Variants in MUCL1 observed in about 807,000 individuals in gnomAD.
The protein encoded by MUCL1 is mucin-like protein 1.
In MUCL1, 11 loss-of-function variants were observed where a neutral mutation model predicts 9.2. The ratio of observed to expected loss-of-function variants is 1.19; its 90% CI spans 0.75 to 1.97. The LOEUF (loss-of-function observed/expected upper bound fraction) is 1.97. Ranked by LOEUF, MUCL1 falls within the 30% of genes most tolerant of loss-of-function variation. The pLI, the probability that MUCL1 is intolerant of heterozygous loss-of-function variation, is 0.00. For missense variants in MUCL1, 144 were observed against 110.9 expected, an observed-to-expected ratio of 1.30 and a Z score of -1.34; for synonymous variants, 48 against 40.5, an observed-to-expected ratio of 1.19 and a Z score of -0.71.
intron 2 of MUCL1, among the ~76,000 whole-genome samples, chr12:54,856,213 G>T (rs1026433684): frequency 6.6e-6 from 1 of 152,082 alleles, no homozygotes; most frequent in African/African-American, 2.4e-5. Flanking sequence ...TGCCACAGAG[G>T]GTGAGACAAA....
chr12:54,845,929 A>G (rs1959247351), intron 1 of MUCL1, among the ~76,000 whole-genome samples: 1 of 152,194 alleles, frequency 6.6e-6, no homozygotes, highest in Non-Finnish European at 1.5e-5. Flanking sequence ...TTTCTCCAGT[A>G]CACAATCAGG....
upstream of MUCL1, among the ~76,000 whole-genome samples, chr12:54,853,182 A>C (rs1193340794): frequency 1.3e-5 from 2 of 152,200 alleles, no homozygotes; most frequent in East Asian, 1.9e-4. Flanking sequence ...TATGACCCAA[A>C]AAGGCATACT....
At chr12:54,851,502 C>T (rs536152138), upstream of MUCL1, among the ~76,000 whole-genome samples, 47 of 152,224 alleles carry the variant, frequency 3.1e-4, no homozygotes, top group Middle Eastern at 3.4e-3. Context: ...ATTGATGGGA[C>T]GTATCTCAAA....
At chr12:54,833,873 A>G (rs1408333099) in intron 1 of MUCL1, among the ~76,000 whole-genome samples, 2 of 152,090 alleles carry the variant, frequency 1.3e-5, no homozygotes, top group Non-Finnish European at 2.9e-5. Flanking sequence ...CTAATGCTAA[A>G]TGATGAGTTA....
intron 1 of MUCL1, among the ~76,000 whole-genome samples, chr12:54,847,743 T>G (rs758141937): frequency 1.2e-4 from 19 of 152,272 alleles, no homozygotes; most frequent in Non-Finnish European, 2.5e-4. Context: ...GGGGATTACT[T>G]TAGTTTGGAA....
chr12:54,841,607 T>C (rs2135941185), intron 1 of MUCL1, among the ~76,000 whole-genome samples: 1 of 152,338 alleles, frequency 6.6e-6, no homozygotes, highest in Middle Eastern at 3.4e-3. Flanking sequence ...GTTGAACACC[T>C]TTTCAAATCC....
upstream of MUCL1, among the ~76,000 whole-genome samples, chr12:54,835,362 C>T (rs1009623322): frequency 3.3e-5 from 5 of 152,134 alleles, no homozygotes; most frequent in African/African-American, 1.2e-4. Flanking sequence ...TACTAATTTA[C>T]ATTCCCATCA....
At chr12:54,851,713 C>CA (rs1391198126), upstream of MUCL1, among the ~76,000 whole-genome samples, 1 of 152,142 alleles carries the variant, frequency 6.6e-6, no homozygotes, top group Non-Finnish European at 1.5e-5. Context: ...AAGAGGAAGT[C>CA]AAATTGTCCT....
upstream of MUCL1, among the ~76,000 whole-genome samples, chr12:54,852,094 T>G (rs569548719): frequency 1.3e-5 from 2 of 152,194 alleles, no homozygotes; most frequent in Non-Finnish European, 2.9e-5. Context: ...AGGTAATTTA[T>G]AGATTCAATG....
intron 1 of MUCL1, among the ~76,000 whole-genome samples, chr12:54,842,794 A>T (rs11171123): frequency 2.2e-3 from 336 of 151,862 alleles, no homozygotes; most frequent in African/African-American, 7.8e-3. Context: ...CTTTTTTTCT[A>T]CTTCCTGCCT....
chr12:54,853,388 G>C (rs1868270475), upstream of MUCL1, among the ~76,000 whole-genome samples: 1 of 152,086 alleles, frequency 6.6e-6, no homozygotes, highest in South Asian at 2.1e-4. Flanking sequence ...TTATGACAAA[G>C]GGCAAGTAGA....
chr12:54,851,808 A>C (rs955316256), upstream of MUCL1, among the ~76,000 whole-genome samples: 7 of 152,204 alleles, frequency 4.6e-5, no homozygotes, highest in Non-Finnish European at 8.8e-5. Context: ...AACTTCAGCA[A>C]AGTCTCAGGA....
Position 54,854,581 on chromosome 12 carries a change from C to A in MUCL1, c.-2C>A. On this transcript the variant is annotated 5_prime_UTR_variant, in exon 1 of 4. Transcript: ENST00000308796. ...GTGCTCCCTGATCTTCAGGTCACCA[C>A]CATGAAGTTCTTAGCAGTCCTGGTA... The A allele has an allele frequency of 3.1e-6, 5 of 1,612,564 alleles. No homozygotes were observed. The highest frequency in any genetic ancestry group is 4.2e-6 in the Non-Finnish European group (5 of 1,178,966).
chr12:54,833,846 A>G (rs1308301289), intron 1 of MUCL1, among the ~76,000 whole-genome samples: 2 of 151,890 alleles, frequency 1.3e-5, no homozygotes, highest in African/African-American at 2.4e-5. Flanking sequence ...GGGGAGGGAT[A>G]GCATTAGGAA....
At chr12:54,850,291 T>C (rs972117666), upstream of MUCL1, among the ~76,000 whole-genome samples, 10 of 151,386 alleles carry the variant, frequency 6.6e-5, no homozygotes, top group East Asian at 1.7e-3. Context: ...GTATATCTCC[T>C]AATGCTATCC....
upstream of MUCL1, among the ~76,000 whole-genome samples, chr12:54,853,027 C>T (rs1868266997): frequency 6.6e-6 from 1 of 152,118 alleles, no homozygotes; most frequent in Non-Finnish European, 1.5e-5. Flanking sequence ...CAAGAATTTC[C>T]TCTGCCTTTC....
intron 1 of MUCL1, among the ~76,000 whole-genome samples, chr12:54,831,698 T>C (rs377590119): frequency 2.0e-5 from 3 of 152,116 alleles, no homozygotes; most frequent in Non-Finnish European, 1.5e-5. Flanking sequence ...TAAGTTTATA[T>C]ATTTTTGGCA....
chr12:54,835,251 T>C (rs998761467), upstream of MUCL1, among the ~76,000 whole-genome samples: 4 of 152,278 alleles, frequency 2.6e-5, no homozygotes, highest in African/African-American at 7.2e-5. Flanking sequence ...TAATGACTTA[T>C]TTTCCTTTAG....
chr12:54,836,670 T>C (rs2121481364), upstream of MUCL1, among the ~76,000 whole-genome samples: 1 of 152,298 alleles, frequency 6.6e-6, no homozygotes, highest in South Asian at 2.1e-4. Flanking sequence ...CAGTGTGATG[T>C]TAGGTTGTCA....
Sources: gnomAD v4.1 joint callset for allele counts (sites outside exome capture counted in the v4.1 genomes callset) on GRCh38, gnomAD v4.1.1 for gene constraint, MANE v1.5 for transcripts, NCBI Gene and HGNC (gene_info 2026-07-23, HGNC 2026-07-21) for gene names.